CSMD1: variants seen among roughly 807,000 people sequenced by gnomAD.
CSMD1 encodes the protein CUB and sushi domain-containing protein 1.
Under a neutral mutation model 417.5 loss-of-function variants are expected in CSMD1, and 213 were observed. The ratio of observed to expected loss-of-function variants is 0.51; its 90% confidence interval spans 0.46 to 0.57. The LOEUF (loss-of-function observed/expected upper bound fraction) is 0.57, where lower values mean the gene tolerates loss of function less well. CSMD1 is among the 20% of genes least tolerant of loss of function. CSMD1 has a pLI of 0.00. For synonymous variants in CSMD1, 2,862 were observed against 1,736.8 expected (o/e 1.65, Z -16.11); for missense variants, 6,923 against 4,529.7 (o/e 1.53, Z -15.17).
At position 3,724,919 on chromosome 8, in the gene CSMD1, C is replaced by G. The variant is rs114726142; in HGVS notation, c.932-16428G>C. Among the ~76,000 whole-genome samples, 469 of 152,272 alleles carry G rather than the reference C, an allele frequency of 3.1e-3. 1 individual carries two copies. Among genetic ancestry groups the G allele is most frequent in the African/African-American group, 0.011 (440 of 41,552 alleles). On this transcript the variant is annotated intron_variant, in intron 6 of 69. Coordinates refer to ENST00000635120, the MANE Select transcript of CSMD1 (RefSeq NM_033225.6). ...ATCTGCCATGGTAAAGAAGCACATG[C>G]CCCACTATGTACAAATTCTTTTTAA...
chr8:3,478,279 G>A (rs1335382041), intron 11 of CSMD1, among the ~76,000 whole-genome samples: 1 of 152,194 alleles, frequency 6.6e-6, no homozygotes, highest in African/African-American at 2.4e-5. Context: ...TGAAAAAGAT[G>A]TAATCCAAAC....
chr8:3,439,309 A>ATATATATATATATTTTTTTT, intron 12 of CSMD1, among the ~76,000 whole-genome samples: 8 of 62,454 alleles, frequency 1.3e-4, no homozygotes, highest in African/African-American at 2.7e-4. Context: ...ATATATATAT[A>ATATATATATATATTTTTTTT]TTTTTTTTTT....
Position 3,655,496 on chromosome 8 carries a change from A to C in CSMD1, c.1010-38699T>G, listed in dbSNP as rs887851041. ...CAATAGTATCAGAAATAGGTTTGGC[A>C]TAAACACAGCCAGCTCAGGACCACT... On this transcript the variant is annotated intron_variant, in intron 7 of 69. Coordinates refer to ENST00000635120, the MANE Select transcript of CSMD1 (RefSeq NM_033225.6). Among the ~76,000 whole-genome samples the C allele has an allele frequency of 2.0e-5, 3 of 152,160 alleles. No individual in the cohort carries two copies. The East Asian group carries it at 5.8e-4, about 29-fold the overall frequency.
intron 49 of CSMD1, among the ~76,000 whole-genome samples, chr8:3,066,235 G>A (rs1320717168): frequency 4.6e-5 from 7 of 152,172 alleles, no homozygotes; most frequent in Non-Finnish European, 8.8e-5. Context: ...CTAATGAAAT[G>A]AAGCATTTCA....
intron 23 of CSMD1, among the ~76,000 whole-genome samples, chr8:3,316,279 T>C (rs1275314740): frequency 6.6e-6 from 1 of 152,162 alleles, no homozygotes; most frequent in Non-Finnish European, 1.5e-5. Context: ...TGAATATGTG[T>C]AATAATTACT....
At position 4,800,454 on chromosome 8, in the gene CSMD1, AG is replaced by A. The variant is rs1490499236; in HGVS notation, c.86-162897del. 1.3e-4 allele frequency among the ~76,000 whole-genome samples: 20 copies of A among 149,264 alleles called. 1 individual carries two copies. The highest frequency in any genetic ancestry group is 1.9e-4 in the Non-Finnish European group (13 of 66,970). On this transcript the variant is annotated intron_variant, in intron 1 of 69. Transcript: ENST00000635120. Reference sequence around the variant, plus strand: ...ACTTCATCTCAAAAAAAAAAAAAAAAGGAAAATTAAAAATTAATCACCTTTG... The same window carrying A: ...ACTTCATCTCAAAAAAAAAAAAAAAAGAAAATTAAAAATTAATCACCTTTG...
At chr8:4,141,396 G>C (rs1803781429) in intron 3 of CSMD1, among the ~76,000 whole-genome samples, 1 of 151,162 alleles carries the variant, frequency 6.6e-6, no homozygotes, top group Non-Finnish European at 1.5e-5. Context: ...GCTAAAGAAA[G>C]ATTTGGCTAA....
chr8:4,329,411 C>G (rs1799741556), intron 3 of CSMD1, among the ~76,000 whole-genome samples: 1 of 152,082 alleles, frequency 6.6e-6, no homozygotes, highest in Non-Finnish European at 1.5e-5. Context: ...ACCGCAGCCT[C>G]CCGGGTAGCT....
chr8:3,052,693 T>G, intron 49 of CSMD1, 46 bp from the exon 50 acceptor site: 1 of 1,367,702 alleles, frequency 7.3e-7, no homozygotes, highest in Non-Finnish European at 9.8e-7. Context: ...ACAGAAATTA[T>G]TTTCCAGCTA....
chr8:3,258,315 A>G (rs1159081524), intron 26 of CSMD1, among the ~76,000 whole-genome samples: 3 of 152,218 alleles, frequency 2.0e-5, no homozygotes, highest in African/African-American at 7.2e-5. Context: ...AAAAGAAGAC[A>G]TACATGTTGC....
intron 15 of CSMD1, among the ~76,000 whole-genome samples, chr8:3,405,671 G>A (rs1812302544): frequency 6.6e-6 from 1 of 152,258 alleles, no homozygotes; most frequent in African/African-American, 2.4e-5. Flanking sequence ...TTAGACACAG[G>A]GACAGACACA....
intron 1 of CSMD1, among the ~76,000 whole-genome samples, chr8:4,943,503 T>A (rs78371052): frequency 0.26 from 8,540 of 32,778 alleles, 387 homozygotes; most frequent in Admixed American, 0.36. Flanking sequence ...CTCAAAAAAA[T>A]AAAATGAAAT....
rs535332377 is a variant in CSMD1 at position 3,980,803 on chromosome 8, C to T, written c.818+17100G>A. On this transcript the variant is annotated intron_variant, in intron 5 of 69. Transcript: ENST00000635120. ...TCACTTAGACTGGGGATACATACCC[C>T]TTGGCCAACCACTAATGTCCCCACT... is the stretch of plus-strand genomic sequence containing the variant. Among the ~76,000 whole-genome samples the T allele has an allele frequency of 7.4e-4, 113 of 152,270 alleles. No homozygotes were observed. In the South Asian group the frequency reaches 0.023, roughly 31 times the overall value.
rs545216668 is a variant in CSMD1 at position 3,151,276 on chromosome 8, C to G, written c.6031+121G>C. 7 of 638,554 alleles carry G rather than the reference C, an allele frequency of 1.1e-5. No homozygotes were observed. In the African/African-American group the frequency reaches 1.3e-4, roughly 12 times the overall value. 39.6% of individuals were successfully genotyped at this position (638,554 alleles called of 1,614,324 possible). Reference sequence around the variant, plus strand: ...TGCCAAAGCTTTATTTAAATCTGTACGCCACTTTCAATTACAGATACAGTT... The same window carrying G: ...TGCCAAAGCTTTATTTAAATCTGTAGGCCACTTTCAATTACAGATACAGTT... On this transcript the variant is annotated intron_variant, in intron 40 of 69. Coordinates refer to ENST00000635120, the MANE Select transcript of CSMD1 (RefSeq NM_033225.6).
intron 5 of CSMD1, among the ~76,000 whole-genome samples, chr8:3,989,006 C>T (rs973680261): frequency 6.6e-6 from 1 of 152,114 alleles, no homozygotes; most frequent in African/African-American, 2.4e-5. Context: ...AGGTAAAAAC[C>T]ATTGTTCAAA....
At chr8:3,939,702 A>ACAG (rs1169388398) in intron 5 of CSMD1, among the ~76,000 whole-genome samples, 4 of 152,174 alleles carry the variant, frequency 2.6e-5, no homozygotes, top group Non-Finnish European at 4.4e-5. Context: ...AAAGGAAAAA[A>ACAG]CAGTGCCTTT....
At position 4,747,870 on chromosome 8, in the gene CSMD1, C is replaced by T. The variant is rs148333607; in HGVS notation, c.86-110312G>A. On this transcript the variant is annotated intron_variant, in intron 1 of 69. Transcript: ENST00000635120. ...TTCAGGTCTCTTTTCTGTCATAACA[C>T]GCACCAGGATATCTGTTGTTGCTTT... 6.0e-3 allele frequency among the ~76,000 whole-genome samples: 919 copies of T among 152,312 alleles called. 11 individuals carry two copies. Among genetic ancestry groups the T allele is most frequent in the African/African-American group, 0.021 (871 of 41,564 alleles).
chr8:3,287,736 C>A (rs149156733), intron 25 of CSMD1, among the ~76,000 whole-genome samples: 6 of 152,190 alleles, frequency 3.9e-5, no homozygotes, highest in Non-Finnish European at 5.9e-5. Flanking sequence ...TATACAATCA[C>A]GTCATCTGCC....
At chr8:3,603,349 C>G (rs534384174) in intron 8 of CSMD1, among the ~76,000 whole-genome samples, 1 of 152,070 alleles carries the variant, frequency 6.6e-6, no homozygotes, top group Non-Finnish European at 1.5e-5. Flanking sequence ...TGTGAAAACA[C>G]TTTGGACAAT....
Sources: allele counts gnomAD v4.1 joint callset (sites outside exome capture counted in the v4.1 genomes callset), GRCh38; gene constraint gnomAD v4.1.1; transcripts MANE v1.5; gene names NCBI Gene and HGNC (gene_info 2026-07-23, HGNC 2026-07-21).